Variants in TRIQK observed in about 807,000 individuals in gnomAD.
TRIQK encodes the protein triple QxxK/R motif-containing protein.
A neutral mutation model predicts 10.8 loss-of-function variants in TRIQK; 10 were observed. That is an observed-to-expected ratio of 0.92 (90% confidence interval 0.57 to 1.57). The LOEUF (loss-of-function observed/expected upper bound fraction) is 1.57, where lower values mean the gene tolerates loss of function less well. Ranked by LOEUF, TRIQK falls within the 40% of genes most tolerant of loss-of-function variation. The pLI is 0.00. For missense variants in TRIQK, 107 were observed against 97.7 expected, an observed-to-expected ratio of 1.09 and a Z score of -0.40; for synonymous variants, 33 against 33.7, an observed-to-expected ratio of 0.98 and a Z score of 0.07.
At chr8:92,888,492 T>C (rs1181682086) in intron 4 of TRIQK, among the ~76,000 whole-genome samples, 1 of 151,558 alleles carries the variant, frequency 6.6e-6, no homozygotes, top group Non-Finnish European at 1.5e-5. Flanking sequence ...GGTGGAAAGG[T>C]ATAGCAAATA....
At chr8:92,994,487 A>G (rs1418907149) in intron 1 of TRIQK, among the ~76,000 whole-genome samples, 2 of 152,098 alleles carry the variant, frequency 1.3e-5, no homozygotes, top group Admixed American at 6.5e-5. Context: ...ACTAATAGAA[A>G]AAATCCAGTC....
intron 3 of TRIQK, among the ~76,000 whole-genome samples, chr8:92,902,860 CT>C (rs1405764491): frequency 6.6e-6 from 1 of 151,722 alleles, no homozygotes; most frequent in Non-Finnish European, 1.5e-5. Context: ...TATTGTATTA[CT>C]TGAACAATTT....
intron 2 of TRIQK, among the ~76,000 whole-genome samples, chr8:92,935,988 A>G (rs1413866253): frequency 2.0e-5 from 3 of 151,678 alleles, no homozygotes; most frequent in African/African-American, 7.2e-5. Context: ...AACAGGTAAG[A>G]TTAAATGGTC....
At chr8:92,911,656 A>T (rs983208387) in intron 3 of TRIQK, among the ~76,000 whole-genome samples, 4 of 151,396 alleles carry the variant, frequency 2.6e-5, no homozygotes, top group Non-Finnish European at 5.9e-5. Context: ...TAGAATTTAA[A>T]CCAAAAACTG....
intron 1 of TRIQK, among the ~76,000 whole-genome samples, chr8:92,994,798 T>A (rs1266873603): frequency 6.6e-6 from 1 of 151,982 alleles, no homozygotes. Context: ...AATAAATCCC[T>A]TAGAACACTT....
intron 1 of TRIQK, among the ~76,000 whole-genome samples, chr8:92,997,558 C>A (rs534911548): frequency 1.3e-5 from 2 of 152,108 alleles, no homozygotes; most frequent in East Asian, 1.9e-4. Context: ...ATAGTGAGAA[C>A]TGACATTTGT....
intron 1 of TRIQK, among the ~76,000 whole-genome samples, chr8:93,014,896 G>A (rs1485136991): frequency 6.6e-6 from 1 of 151,962 alleles, no homozygotes. Context: ...AGATTTACAT[G>A]GTGCACAGCA....
intron 3 of TRIQK, among the ~76,000 whole-genome samples, chr8:92,898,835 A>ATG (rs1429550624): frequency 5.0e-5 from 1 of 19,960 alleles, no homozygotes; most frequent in African/African-American, 1.6e-4. Flanking sequence ...GTGTGTGTGT[A>ATG]TATATATATA....
At chr8:92,941,851 A>G (rs975706571) in intron 2 of TRIQK, among the ~76,000 whole-genome samples, 2 of 152,156 alleles carry the variant, frequency 1.3e-5, no homozygotes, top group Non-Finnish European at 2.9e-5. Flanking sequence ...TAAACTAGAA[A>G]CATGCAACCT....
intron 1 of TRIQK, among the ~76,000 whole-genome samples, chr8:93,003,614 G>T (rs779286866): frequency 6.6e-6 from 1 of 151,974 alleles, no homozygotes; most frequent in Non-Finnish European, 1.5e-5. Flanking sequence ...GTCCCCCAAA[G>T]TCTTAACTCA....
intron 3 of TRIQK, among the ~76,000 whole-genome samples, chr8:92,895,817 A>G (rs527423563): frequency 4.5e-4 from 69 of 152,310 alleles, no homozygotes; most frequent in Admixed American, 7.8e-4. Flanking sequence ...TTTACCTCAT[A>G]TAGTGAGATG....
intron 2 of TRIQK, among the ~76,000 whole-genome samples, chr8:92,930,576 C>T (rs894237376): frequency 6.6e-6 from 1 of 151,938 alleles, no homozygotes; most frequent in East Asian, 1.9e-4. Flanking sequence ...TACCACTGCA[C>T]GCTAAGAGCT....
intron 2 of TRIQK, among the ~76,000 whole-genome samples, chr8:92,935,302 A>G (rs1233478986): frequency 6.6e-6 from 1 of 151,828 alleles, no homozygotes; most frequent in African/African-American, 2.4e-5. Flanking sequence ...GTTGTGAACT[A>G]CAAATATTAA....
intron 2 of TRIQK, among the ~76,000 whole-genome samples, chr8:92,942,973 A>G (rs1004242934): frequency 6.6e-6 from 1 of 152,122 alleles, no homozygotes; most frequent in Non-Finnish European, 1.5e-5. Context: ...GATTACAAGC[A>G]TAAGCCACTA....
intron 2 of TRIQK, among the ~76,000 whole-genome samples, chr8:92,918,784 C>T (rs557380027): frequency 2.5e-4 from 37 of 150,962 alleles, no homozygotes; most frequent in Admixed American, 1.8e-3. Flanking sequence ...TACCCCCCCC[C>T]ACAATTTTTG....
At chr8:92,938,935 CT>C (rs1727490544) in intron 2 of TRIQK, among the ~76,000 whole-genome samples, 1 of 151,988 alleles carries the variant, frequency 6.6e-6, no homozygotes. Flanking sequence ...ACATTTTTTG[CT>C]GGTAGTTCCA....
At chr8:92,997,305 T>C (rs1813162303) in intron 1 of TRIQK, among the ~76,000 whole-genome samples, 1 of 151,980 alleles carries the variant, frequency 6.6e-6, no homozygotes, top group South Asian at 2.1e-4. Context: ...TTTTCAAAAA[T>C]ATTATGGATC....
chr8:92,919,851 T>A (rs562521041), intron 2 of TRIQK, among the ~76,000 whole-genome samples: 2 of 151,872 alleles, frequency 1.3e-5, no homozygotes, highest in East Asian at 3.9e-4. Flanking sequence ...TGTCTTGTCA[T>A]GTTTAATCTT....
intron 2 of TRIQK, among the ~76,000 whole-genome samples, chr8:92,946,575 T>C (rs1239097280): frequency 6.6e-6 from 1 of 152,030 alleles, no homozygotes; most frequent in East Asian, 1.9e-4. Context: ...GATCAGAAAA[T>C]GAGATTTTTT....
Sources: allele counts gnomAD v4.1 joint callset (sites outside exome capture counted in the v4.1 genomes callset), GRCh38; gene constraint gnomAD v4.1.1; transcripts MANE v1.5; gene names NCBI Gene and HGNC (gene_info 2026-07-23, HGNC 2026-07-21).